The following MAML3 variants were observed in gnomAD, a reference collection of about 807,000 sequenced individuals.
MAML3 encodes the protein mastermind-like protein 3.
MAML3 carries 27 observed loss-of-function variants against 101.9 expected under a neutral mutation model. The ratio of observed to expected loss-of-function variants is 0.27; its 90% confidence interval spans 0.20 to 0.37. MAML3 has a LOEUF of 0.37. MAML3 is among the 10% of genes least tolerant of loss of function. The probability of loss-of-function intolerance (pLI) is 1.00; values close to 1 mark genes in which losing one functional copy is unlikely to be tolerated. For missense variants in MAML3, 1,316 were observed against 1,444.9 expected (o/e 0.91, Z 1.45); for synonymous variants, 501 against 555.9 (o/e 0.90, Z 1.39).
At chr4:140,009,305 AG>A (rs1726510381) in intron 1 of MAML3, among the ~76,000 whole-genome samples, 1 of 152,300 alleles carries the variant, frequency 6.6e-6, no homozygotes, top group African/African-American at 2.4e-5. Context: ...TGTGCTGCAC[AG>A]GAAGTGTCTC....
chr4:139,812,512 T>TGAA (rs2111113719), intron 2 of MAML3, among the ~76,000 whole-genome samples: 1 of 152,312 alleles, frequency 6.6e-6, no homozygotes, highest in African/African-American at 2.4e-5. Flanking sequence ...AAAGCGCAGT[T>TGAA]GAAGTTGGGA....
chr4:140,040,099 T>A (rs1322765146), intron 1 of MAML3, among the ~76,000 whole-genome samples: 1 of 152,154 alleles, frequency 6.6e-6, no homozygotes, highest in Non-Finnish European at 1.5e-5. Flanking sequence ...TGCTACCGAA[T>A]TCTGACTTTT....
intron 1 of MAML3, among the ~76,000 whole-genome samples, chr4:139,970,944 G>A (rs1036941140): frequency 1.3e-5 from 2 of 152,056 alleles, no homozygotes; most frequent in African/African-American, 2.4e-5. Flanking sequence ...ATATGGAATC[G>A]CCCATAATCA....
At chr4:139,968,808 C>T (rs915262187) in intron 1 of MAML3, among the ~76,000 whole-genome samples, 1 of 152,074 alleles carries the variant, frequency 6.6e-6, no homozygotes, top group Admixed American at 6.5e-5. Context: ...CCTTCATTTG[C>T]ACACACTTTA....
chr4:139,817,045 C>T (rs528301843), intron 2 of MAML3, among the ~76,000 whole-genome samples: 2 of 152,168 alleles, frequency 1.3e-5, no homozygotes, highest in Admixed American at 6.5e-5. Flanking sequence ...AGGTGCTAGG[C>T]GACCCTTCTG....
chr4:140,009,913 T>G (rs116374318), intron 1 of MAML3, among the ~76,000 whole-genome samples: 1,671 of 152,350 alleles, frequency 0.011, 39 homozygotes, highest in African/African-American at 0.038. Flanking sequence ...ATTCTAGGAC[T>G]GGGCTTACCA....
At chr4:139,861,748 TG>T (rs1297614784) in intron 2 of MAML3, among the ~76,000 whole-genome samples, 1 of 152,132 alleles carries the variant, frequency 6.6e-6, no homozygotes, top group African/African-American at 2.4e-5. Context: ...CCCTGCTTGG[TG>T]TACCCTCAGT....
At chr4:139,869,497 A>G (rs1036443938) in intron 2 of MAML3, among the ~76,000 whole-genome samples, 1 of 152,238 alleles carries the variant, frequency 6.6e-6, no homozygotes, top group African/African-American at 2.4e-5. Context: ...AAGAAGCTGG[A>G]TAAGAGCTAA....
chr4:140,021,606 A>AC (rs1262042919), intron 1 of MAML3, among the ~76,000 whole-genome samples: 2 of 152,224 alleles, frequency 1.3e-5, no homozygotes, highest in African/African-American at 2.4e-5. Context: ...TATTTTTAAA[A>AC]CAATGACCCA....
chr4:139,751,047 C>T (rs749338620), intron 2 of MAML3, among the ~76,000 whole-genome samples: 129 of 152,316 alleles, frequency 8.5e-4, no homozygotes, highest in Non-Finnish European at 1.5e-3. Context: ...GAAGGTCAGT[C>T]GTCCGTCTTC....
intron 2 of MAML3, among the ~76,000 whole-genome samples, chr4:139,739,520 G>T (rs1216533003): frequency 6.6e-6 from 1 of 152,054 alleles, no homozygotes; most frequent in African/African-American, 2.4e-5. Flanking sequence ...TTGGTTAAAA[G>T]TTCATTAGTG....
At chr4:139,868,989 GT>G (rs1731952825) in intron 2 of MAML3, among the ~76,000 whole-genome samples, 1 of 152,126 alleles carries the variant, frequency 6.6e-6, no homozygotes, top group African/African-American at 2.4e-5. Flanking sequence ...TGCTGTTGAC[GT>G]TTAATTGCTA....
chr4:139,823,622 G>C (rs183890192), intron 2 of MAML3, among the ~76,000 whole-genome samples: 40 of 152,080 alleles, frequency 2.6e-4, no homozygotes, highest in Non-Finnish European at 3.1e-4. Context: ...TCTAAGCCTA[G>C]TGCCCTGGAT....
At chr4:139,881,481 G>A (rs1300860002) in intron 2 of MAML3, among the ~76,000 whole-genome samples, 1 of 152,036 alleles carries the variant, frequency 6.6e-6, no homozygotes, top group Non-Finnish European at 1.5e-5. Flanking sequence ...TACAAACATT[G>A]ACCCAGTGAA....
At chr4:139,901,356 C>T (rs1732714622) in intron 1 of MAML3, among the ~76,000 whole-genome samples, 1 of 152,108 alleles carries the variant, frequency 6.6e-6, no homozygotes, top group Non-Finnish European at 1.5e-5. Context: ...ATCAGCATTC[C>T]ACAATCTGAA....
chr4:140,030,959 T>C (rs772231313), intron 1 of MAML3, among the ~76,000 whole-genome samples: 1 of 152,180 alleles, frequency 6.6e-6, no homozygotes, highest in Non-Finnish European at 1.5e-5. Context: ...TAATACCGTC[T>C]GAAAAACCTG....
intron 1 of MAML3, chr4:140,134,410 T>C (rs184535925): frequency 1.3e-5 from 6 of 456,666 alleles, no homozygotes; most frequent in Non-Finnish European, 2.6e-5. Context: ...CAGGCATAGA[T>C]GTTCCCCAAC....
intron 1 of MAML3, among the ~76,000 whole-genome samples, chr4:140,074,025 G>A (rs1376819036): frequency 1.3e-5 from 2 of 151,858 alleles, no homozygotes; most frequent in Non-Finnish European, 2.9e-5. Flanking sequence ...CCATCTACTC[G>A]GGAGGCTGAG....
chr4:139,985,124 G>C (rs992990665), intron 1 of MAML3, among the ~76,000 whole-genome samples: 2 of 152,184 alleles, frequency 1.3e-5, no homozygotes, highest in African/African-American at 2.4e-5. Context: ...AGCATAGTAA[G>C]ACATCCTCAA....
Sources: allele counts gnomAD v4.1 joint callset (sites outside exome capture counted in the v4.1 genomes callset), GRCh38; gene constraint gnomAD v4.1.1; transcripts MANE v1.5; gene names NCBI Gene and HGNC (gene_info 2026-07-23, HGNC 2026-07-21).